Variants in PARD3 observed in about 807,000 individuals in gnomAD.
The protein encoded by PARD3 is par-3 family cell polarity regulator.
A neutral mutation model predicts 155.4 loss-of-function variants in PARD3; 75 were observed. That is an observed-to-expected ratio of 0.48 (90% confidence interval 0.40 to 0.58). The LOEUF (loss-of-function observed/expected upper bound fraction) is 0.58. Ranked by LOEUF, PARD3 falls within the 20% of genes least tolerant of loss-of-function variation. The probability of loss-of-function intolerance (pLI) is 0.00; values close to 1 mark genes in which losing one functional copy is unlikely to be tolerated. For missense variants in PARD3, 1,642 were observed against 1,721.7 expected (o/e 0.95, Z 0.82); for synonymous variants, 576 against 610.5 (o/e 0.94, Z 0.83).
intron 1 of PARD3, among the ~76,000 whole-genome samples, chr10:34,702,196 T>TA (rs781611430): frequency 0.044 from 6,128 of 139,368 alleles, 142 homozygotes; most frequent in Middle Eastern, 0.059. Context: ...ATTTTAATAT[T>TA]AAAAAAAAAA....
intron 2 of PARD3, among the ~76,000 whole-genome samples, chr10:34,566,023 C>T (rs926796808): frequency 3.3e-5 from 5 of 152,186 alleles, no homozygotes; most frequent in Non-Finnish European, 4.4e-5. Flanking sequence ...ATCCTGGAGC[C>T]ACCCCAGTGA....
intron 22 of PARD3, among the ~76,000 whole-genome samples, chr10:34,137,868 G>C (rs1947985417): frequency 6.6e-6 from 1 of 152,178 alleles, no homozygotes; most frequent in Non-Finnish European, 1.5e-5. Context: ...ACTAGGTTAG[G>C]CAATTTGCTA....
intron 16 of PARD3, among the ~76,000 whole-genome samples, chr10:34,339,550 A>G (rs1836572242): frequency 2.0e-5 from 3 of 152,288 alleles, no homozygotes; most frequent in Admixed American, 2.0e-4. Flanking sequence ...TATATCCTCT[A>G]AAATTATGTT....
At chr10:34,317,069 G>GT (rs1460445962) in intron 20 of PARD3, 38 bp downstream of exon 20, 4 of 1,518,866 alleles carry the variant, frequency 2.6e-6, no homozygotes, top group Non-Finnish European at 3.5e-6. Context: ...ACTCCTGTAT[G>GT]TTTAAGGAGA....
At chr10:34,280,820 G>C (rs1956120891) in intron 21 of PARD3, among the ~76,000 whole-genome samples, 1 of 152,134 alleles carries the variant, frequency 6.6e-6, no homozygotes, top group Non-Finnish European at 1.5e-5. Context: ...AAATAAGTTT[G>C]GAGAATGGTG....
At chr10:34,145,133 G>C (rs1948393344) in intron 22 of PARD3, among the ~76,000 whole-genome samples, 1 of 142,438 alleles carries the variant, frequency 7.0e-6, no homozygotes, top group South Asian at 2.2e-4. Flanking sequence ...TTACAAGACT[G>C]ATGTGAAGAA....
chr10:34,145,014 G>A (rs1413214445), intron 22 of PARD3, among the ~76,000 whole-genome samples: 1 of 151,738 alleles, frequency 6.6e-6, no homozygotes, highest in Non-Finnish European at 1.5e-5. Context: ...TGCTTTAAAT[G>A]TATGTATTCT....
chr10:34,316,392 C>CTA (rs1310996427), intron 20 of PARD3, among the ~76,000 whole-genome samples: 1 of 152,114 alleles, frequency 6.6e-6, no homozygotes, highest in African/African-American at 2.4e-5. Flanking sequence ...AAATGATATG[C>CTA]TAAGTAATCC....
chr10:34,152,037 C>T (rs182054650), intron 22 of PARD3, among the ~76,000 whole-genome samples: 170 of 152,114 alleles, frequency 1.1e-3, no homozygotes, highest in African/African-American at 3.8e-3. Flanking sequence ...TCTTAAAAGA[C>T]CAAAAATGGC....
intron 7 of PARD3, among the ~76,000 whole-genome samples, chr10:34,387,951 T>C (rs1842511488): frequency 6.6e-6 from 1 of 152,194 alleles, no homozygotes; most frequent in African/African-American, 2.4e-5. Context: ...ATTCTACAAA[T>C]CATAAATACA....
intron 22 of PARD3, among the ~76,000 whole-genome samples, chr10:34,142,937 G>A (rs1274564697): frequency 2.0e-5 from 3 of 152,156 alleles, no homozygotes; most frequent in Non-Finnish European, 2.9e-5. Flanking sequence ...ATACATTTAG[G>A]TGTCTGATTA....
chr10:34,156,604 C>T (rs897298953), intron 22 of PARD3, among the ~76,000 whole-genome samples: 1 of 152,180 alleles, frequency 6.6e-6, no homozygotes, highest in East Asian at 1.9e-4. Flanking sequence ...CAAGAAAACT[C>T]GGAAGCGATG....
intron 5 of PARD3, among the ~76,000 whole-genome samples, chr10:34,417,250 G>A (rs568956336): frequency 1.8e-4 from 28 of 152,150 alleles, no homozygotes; most frequent in African/African-American, 5.1e-4. Flanking sequence ...TGGTCTCGGC[G>A]GACTGATTTT....
intron 2 of PARD3, among the ~76,000 whole-genome samples, chr10:34,642,088 G>A (rs573562365): frequency 2.4e-4 from 36 of 152,046 alleles, no homozygotes; most frequent in South Asian, 1.0e-3. Context: ...GGGGCCCCTC[G>A]CCCTGTAAGC....
At chr10:34,803,696 G>A (rs1843050179) in intron 1 of PARD3, among the ~76,000 whole-genome samples, 2 of 152,036 alleles carry the variant, frequency 1.3e-5, no homozygotes, top group African/African-American at 2.4e-5. Flanking sequence ...CCAGCTACTT[G>A]GGAGGCTGAG....
At chr10:34,419,368 T>C (rs1324990582) in intron 5 of PARD3, among the ~76,000 whole-genome samples, 1 of 152,010 alleles carries the variant, frequency 6.6e-6, no homozygotes, top group Non-Finnish European at 1.5e-5. Flanking sequence ...AATACAAAAA[T>C]TAACCAGGCA....
intron 22 of PARD3, among the ~76,000 whole-genome samples, chr10:34,238,880 C>T (rs950736546): frequency 6.6e-6 from 1 of 152,174 alleles, no homozygotes; most frequent in East Asian, 1.9e-4. Context: ...CTGCACTGTA[C>T]AGCCATGAAT....
chr10:34,188,054 T>C (rs765931380), intron 22 of PARD3, among the ~76,000 whole-genome samples: 5 of 152,184 alleles, frequency 3.3e-5, no homozygotes, highest in Non-Finnish European at 7.4e-5. Context: ...AATTGAAATG[T>C]TCAGCATAAA....
chr10:34,111,086 G>A lies in PARD3; in HGVS notation c.*83C>T, dbSNP rs999206135. On this transcript the variant is annotated 3_prime_UTR_variant, in exon 25 of 25. Coordinates refer to ENST00000374788, the MANE Select transcript of PARD3 (RefSeq NM_001184785.2). ...AGAAATACTCCATAGTACCATCGAG[G>A]TTTTAAAAAAACTCCCAAAATACAA... 3.4e-6 allele frequency: 5 copies of A among 1,450,346 alleles called. No individual in the cohort carries two copies. The highest frequency in any genetic ancestry group is 3.7e-6 in the Non-Finnish European group (4 of 1,079,776). 89.8% of individuals were successfully genotyped at this position (1,450,346 alleles called of 1,614,324 possible). A position where few individuals can be genotyped will look rare whatever the true frequency, so the allele number is the denominator to read the frequency against.
Sources: allele counts gnomAD v4.1 joint callset (sites outside exome capture counted in the v4.1 genomes callset), GRCh38; gene constraint gnomAD v4.1.1; transcripts MANE v1.5; gene names NCBI Gene and HGNC (gene_info 2026-07-23, HGNC 2026-07-21).